Variants in TNS1 observed in about 807,000 individuals in gnomAD.
The protein encoded by TNS1 is tensin 1.
A neutral mutation model predicts 168.6 loss-of-function variants in TNS1; 62 were observed. The observed-to-expected ratio is 0.37, with a 90% CI of 0.30 to 0.45. TNS1 has a LOEUF of 0.45. Ranked by LOEUF, TNS1 falls within the 20% of genes least tolerant of loss-of-function variation. The pLI is 1.00. For synonymous variants in TNS1, 934 were observed against 933.2 expected (o/e 1.00, Z -0.02); for missense variants, 2,240 against 2,339.4 (o/e 0.96, Z 0.88).
chr2:217,960,539 T>C (rs1312485493), intron 3 of TNS1, among the ~76,000 whole-genome samples: 2 of 152,030 alleles, frequency 1.3e-5, no homozygotes, highest in Non-Finnish European at 2.9e-5. Context: ...GCCCATGCTG[T>C]TTTCCACAGG....
chr2:217,835,916 G>T, intron 20 of TNS1, 99 bp downstream of exon 20: 1 of 1,068,606 alleles, frequency 9.4e-7, no homozygotes, highest in Non-Finnish European at 1.4e-6. Context: ...AAATCACTGA[G>T]TATACTGATA....
At chr2:217,954,896 C>T (rs926433894) in intron 3 of TNS1, among the ~76,000 whole-genome samples, 2 of 152,226 alleles carry the variant, frequency 1.3e-5, no homozygotes, top group African/African-American at 4.8e-5. Context: ...CTTGCCCCCA[C>T]ACAGGCACAT....
At chr2:217,873,940 T>G (rs537674967) in intron 18 of TNS1, among the ~76,000 whole-genome samples, 1 of 152,110 alleles carries the variant, frequency 6.6e-6, no homozygotes, top group African/African-American at 2.4e-5. Flanking sequence ...CTTCCCTTCC[T>G]AACCCTAAAT....
chr2:217,827,127 T>G (rs1191898642), intron 22 of TNS1, among the ~76,000 whole-genome samples: 1 of 152,084 alleles, frequency 6.6e-6, no homozygotes, highest in African/African-American at 2.4e-5. Flanking sequence ...TATTGAAATG[T>G]CTGTTGGCAT....
In TNS1 at chr2:217,885,184, GA is replaced by G. The variant is rs755959009; in HGVS notation, c.1117-21del. 2 of 1,614,038 alleles carry G rather than the reference GA, an allele frequency of 1.2e-6. No homozygotes were observed. The highest frequency in any genetic ancestry group is 1.7e-6 in the Non-Finnish European group (2 of 1,179,956). On this transcript the variant is annotated intron_variant, in intron 15 of 32. Coordinates refer to ENST00000682258, the MANE Select transcript of TNS1 (RefSeq NM_001387777.1). ...CTTCAGCTGGGTGGGAAGACGGGCA[GA>G]ACCAGTCAGGGGCCTGAGGCTGGGA...
Position 217,803,682 on chromosome 2 carries a change from C to T in TNS1, c.*777G>A, listed in dbSNP as rs1937843898. On this transcript the variant is annotated 3_prime_UTR_variant, in exon 33 of 33. Coordinates refer to ENST00000682258, the MANE Select transcript of TNS1 (RefSeq NM_001387777.1). ...AGGGTCACTAGAGTGCAGGTGCAGG[C>T]ACCAGGAGAGAGCCTCTGTCACCCA... The T allele has an allele frequency of 6.5e-6, 1 of 152,802 alleles. No individual in the cohort carries two copies. The highest frequency in any genetic ancestry group is 1.9e-4 in the East Asian group (1 of 5,182). 9.5% of individuals were successfully genotyped at this position (152,802 alleles called of 1,614,324 possible).
At chr2:217,913,450 G>A (rs886632802) in intron 4 of TNS1, among the ~76,000 whole-genome samples, 1 of 152,114 alleles carries the variant, frequency 6.6e-6, no homozygotes, top group African/African-American at 2.4e-5. Flanking sequence ...TCCTTCAGTG[G>A]ATATGGCTCT....
upstream of TNS1, among the ~76,000 whole-genome samples, chr2:218,007,554 A>T (rs182351335): frequency 0.03 from 281 of 9,390 alleles, 2 homozygotes; most frequent in African/African-American, 0.088. Flanking sequence ...GCTGACCCTG[A>T]GGCTCGGGGG....
chr2:217,887,295 C>A (rs1304618581), intron 12 of TNS1, among the ~76,000 whole-genome samples: 2 of 152,116 alleles, frequency 1.3e-5, no homozygotes, highest in Non-Finnish European at 2.9e-5. Flanking sequence ...GGGTCAACTT[C>A]CCCCAATTTT....
intron 19 of TNS1, among the ~76,000 whole-genome samples, chr2:217,837,053 C>T (rs969100227): frequency 9.2e-5 from 14 of 152,142 alleles, no homozygotes; most frequent in Non-Finnish European, 1.5e-4. Flanking sequence ...GAGCTGGCTC[C>T]CAGAATCCTA....
Position 217,818,566 on chromosome 2 carries a change from G to A in TNS1, c.3766C>T (p.Gln1256Ter), listed in dbSNP as rs757142321. The A allele has an allele frequency of 1.2e-6, 2 of 1,614,206 alleles. No homozygotes were observed. The highest frequency in any genetic ancestry group is 1.7e-6 in the Non-Finnish European group (2 of 1,180,004). Reference protein sequence around the residue: ...SSYSSPDYSLQHFSSSPESQA... With the variant: ...SSYSSPDYSL Reference sequence around the variant, plus strand: ...CTTTCCGGAGAGGAGCTGAAATGCTGAAGTGAGTAGTCGGGGCTGCTGTAG... The same window carrying A: ...CTTTCCGGAGAGGAGCTGAAATGCTAAAGTGAGTAGTCGGGGCTGCTGTAG... The change falls in exon 24 of 33, where the codon CAG (glutamine) becomes TAG (stop). Residue 1256 changes from glutamine to a stop codon, truncating the protein, a stop_gained. Coordinates refer to ENST00000682258, the MANE Select transcript of TNS1 (RefSeq NM_001387777.1). LOFTEE classifies it high-confidence loss of function.
chr2:217,837,121 G>A (rs1352791157), intron 19 of TNS1, among the ~76,000 whole-genome samples: 1 of 152,100 alleles, frequency 6.6e-6, no homozygotes, highest in African/African-American at 2.4e-5. Context: ...TGGGCTTCTG[G>A]TCTTGACTCT....
intron 3 of TNS1, among the ~76,000 whole-genome samples, chr2:217,926,137 G>T (rs182337742): frequency 2.0e-5 from 3 of 152,238 alleles, no homozygotes; most frequent in Middle Eastern, 6.8e-3. Flanking sequence ...GGGAGAAGGC[G>T]GCATCTCCAA....
At chr2:217,896,657 G>C (rs1332006997) in intron 8 of TNS1, among the ~76,000 whole-genome samples, 2 of 152,212 alleles carry the variant, frequency 1.3e-5, no homozygotes, top group East Asian at 3.8e-4. Flanking sequence ...TGAGCCACCA[G>C]ATTTGAGGTA....
chr2:217,954,445 T>C (rs1363400999), intron 3 of TNS1, among the ~76,000 whole-genome samples: 3 of 152,232 alleles, frequency 2.0e-5, no homozygotes, highest in African/African-American at 7.2e-5. Context: ...TATGGAGCTC[T>C]GAGGGTGCTC....
chr2:217,950,909 C>T (rs1315866940), intron 3 of TNS1, among the ~76,000 whole-genome samples: 1 of 151,958 alleles, frequency 6.6e-6, no homozygotes, highest in Non-Finnish European at 1.5e-5. Flanking sequence ...GCCAATCTCC[C>T]TGCCCCGGGC....
intron 4 of TNS1, among the ~76,000 whole-genome samples, chr2:217,915,156 G>GT (rs1954861608): frequency 6.6e-6 from 1 of 152,164 alleles, no homozygotes; most frequent in Non-Finnish European, 1.5e-5. Flanking sequence ...TCGGGTCGGA[G>GT]TTCAGGCTGA....
chr2:217,956,435 A>AG (rs1957364962), intron 3 of TNS1, among the ~76,000 whole-genome samples: 1 of 150,642 alleles, frequency 6.6e-6, no homozygotes, highest in South Asian at 2.1e-4. Flanking sequence ...AGGACGCAGA[A>AG]AAGAGAAAGA....
intron 1 of TNS1, among the ~76,000 whole-genome samples, chr2:218,023,019 C>T (rs1160797692): frequency 1.3e-5 from 2 of 152,224 alleles, no homozygotes; most frequent in African/African-American, 2.4e-5. Context: ...CTCACGTGGC[C>T]TCACGTCTGG....
Sources: gnomAD v4.1 joint callset for allele counts (sites outside exome capture counted in the v4.1 genomes callset) on GRCh38, gnomAD v4.1.1 for gene constraint, MANE v1.5 for transcripts, NCBI Gene and HGNC (gene_info 2026-07-23, HGNC 2026-07-21) for gene names.